Variants in HCN4 observed in about 807,000 individuals in gnomAD.
HCN4 encodes the protein potassium/sodium hyperpolarization-activated cyclic nucleotide-gated channel 4.
In HCN4, 29 loss-of-function variants were observed where a neutral mutation model predicts 76.9. That is an observed-to-expected ratio of 0.38 (90% CI 0.28 to 0.51). The LOEUF (loss-of-function observed/expected upper bound fraction) is 0.51. HCN4 is among the 20% of genes least tolerant of loss of function. The probability of loss-of-function intolerance (pLI) is 0.90; values close to 1 mark genes in which losing one functional copy is unlikely to be tolerated. For missense variants in HCN4, 1,416 were observed against 1,715.2 expected (o/e 0.83, Z 3.08); for synonymous variants, 772 against 762.5 (o/e 1.01, Z -0.21).
chr15:73,335,514 G>C, intron 2 of HCN4: 1 of 152,314 alleles, frequency 6.6e-6, no homozygotes, highest in Non-Finnish European at 1.5e-5. Flanking sequence ...GGCCAGACTT[G>C]AAATGAGAAC....
intron 1 of HCN4, among the ~76,000 whole-genome samples, chr15:73,346,595 C>T (rs1001387097): frequency 6.6e-6 from 1 of 152,144 alleles, no homozygotes; most frequent in Non-Finnish European, 1.5e-5. Flanking sequence ...CTATTTGCCT[C>T]AGTACACAGA....
At chr15:73,358,321 G>A (rs1279666499) in intron 1 of HCN4, among the ~76,000 whole-genome samples, 3 of 152,216 alleles carry the variant, frequency 2.0e-5, no homozygotes, top group African/African-American at 4.8e-5. Flanking sequence ...TTTGGGGAAA[G>A]GAACAAGTGC....
chr15:73,324,052 C>A (rs747201186), intron 7 of HCN4, 37 bp downstream of exon 7: 151 of 1,605,370 alleles, frequency 9.4e-5, no homozygotes, highest in Non-Finnish European at 1.2e-4. Flanking sequence ...TCCCCCAACA[C>A]CCCCCACCTG....
In HCN4 at chr15:73,346,287, C is replaced by T. The variant is rs150938061; in HGVS notation, c.786-2479G>A. 2.3e-3 allele frequency among the ~76,000 whole-genome samples: 349 copies of T among 152,280 alleles called. 2 individuals carry two copies. Among genetic ancestry groups the T allele is most frequent in the African/African-American group, 8.1e-3 (335 of 41,544 alleles). ...TAGCAAGTCACTTTACCATGCCACA[C>T]CTCAGTTTTGTTATCTGCTCAATGA... On this transcript the variant is annotated intron_variant, in intron 1 of 7. Transcript: ENST00000261917.
intron 1 of HCN4, among the ~76,000 whole-genome samples, chr15:73,345,534 AC>A (rs1199973401): frequency 6.6e-6 from 1 of 152,152 alleles, no homozygotes; most frequent in Non-Finnish European, 1.5e-5. Context: ...AGAATGCAGC[AC>A]ACCTGCTAAT....
intron 2 of HCN4, among the ~76,000 whole-genome samples, chr15:73,341,389 A>G (rs1459329465): frequency 2.6e-5 from 4 of 151,944 alleles, no homozygotes; most frequent in African/African-American, 7.3e-5. Context: ...CAATCCACCC[A>G]TCTCGGCCTC....
chr15:73,336,614 A>C (rs1362213169), intron 2 of HCN4, among the ~76,000 whole-genome samples: 4 of 151,942 alleles, frequency 2.6e-5, no homozygotes, highest in Non-Finnish European at 4.4e-5. Context: ...ACAAAAACCC[A>C]CCAGCCAGCC....
chr15:73,343,239 G>A lies in HCN4; in HGVS notation c.1209+146C>T, dbSNP rs970513604. ...TATCCAGCACATGATAAGAGGTCAA[G>A]AACTTACTAGTATTTGTCCTCTTGG... On this transcript the variant is annotated intron_variant, in intron 2 of 7. Coordinates refer to ENST00000261917, the MANE Select transcript of HCN4 (RefSeq NM_005477.3). This position sits in a 1 kb window ranked among gnomAD's most constrained non-coding sequence, Gnocchi z 5.7. The A allele has an allele frequency of 1.3e-6, 1 of 742,930 alleles. No homozygotes were observed. Among genetic ancestry groups the A allele is most frequent in the African/African-American group, 1.7e-5 (1 of 57,462 alleles). The allele number at this position is 742,930 out of a possible 1,614,324, so 46.0% of individuals were successfully genotyped here. A position where few individuals can be genotyped will look rare whatever the true frequency, so the allele number is the denominator to read the frequency against.
At chr15:73,324,002 G>C in intron 7 of HCN4, 53 bp from the exon 8 acceptor site, 1 of 1,611,722 alleles carries the variant, frequency 6.2e-7, no homozygotes, top group Non-Finnish European at 8.5e-7. Context: ...AAGGAGATCA[G>C]GTGCAGACCT....
chr15:73,339,953 G>A (rs1235864979), intron 2 of HCN4, among the ~76,000 whole-genome samples: 10 of 152,228 alleles, frequency 6.6e-5, no homozygotes, highest in Non-Finnish European at 1.3e-4. Flanking sequence ...CAGCTGGTAG[G>A]AGAGATAAAG....
At position 73,367,617 on chromosome 15, in the gene HCN4, G is replaced by A. The variant is rs764818507; in HGVS notation, c.654C>T (p.Phe218=). Residue 218 remains phenylalanine (F), a synonymous_variant, in exon 1 of 8, where the codon TTC becomes TTT. Transcript: ENST00000261917. The surrounding 1 kb of genome is among the most constrained non-coding windows in gnomAD (Gnocchi z 7.5). The part of the protein sequence containing the change: ...LGQAGFMQRQ[F]GAMLQPGVNK... ...TGACCCCGGGTTGGAGCATGGCCCC[G>A]AACTGGCGCTGCATGAAGCCGGCCT... 1.1e-5 allele frequency: 17 copies of A among 1,613,172 alleles called. No homozygotes were observed. The highest frequency in any genetic ancestry group is 1.4e-5 in the Non-Finnish European group (16 of 1,179,996).
chr15:73,351,184 C>T (rs142062278), intron 1 of HCN4, among the ~76,000 whole-genome samples: 11 of 152,182 alleles, frequency 7.2e-5, no homozygotes, highest in Non-Finnish European at 4.4e-5. Flanking sequence ...TTCTCACTGC[C>T]TCTCCTTTCC....
rs1338572189 is a variant in HCN4, at chr15:73,368,156, C to A, written c.115G>T (p.Gly39Cys). 6.6e-7 allele frequency: 1 copy of A among 1,525,618 alleles called. No homozygotes were observed. Among genetic ancestry groups the A allele is most frequent in the Non-Finnish European group, 8.8e-7 (1 of 1,137,858 alleles). 94.5% of individuals were successfully genotyped at this position (1,525,618 alleles called of 1,614,324 possible). Residue 39 changes from glycine to cysteine, a missense_variant, in exon 1 of 8, where the codon GGC becomes TGC. Gly to Cys is a radical substitution (Grantham distance 159). This residue lies in a region of HCN4 where 355 missense variants were observed against 347.8 expected (regional missense o/e 1.02). Coordinates refer to ENST00000261917, the MANE Select transcript of HCN4 (RefSeq NM_005477.3). This position sits in a 1 kb window ranked among gnomAD's most constrained non-coding sequence, Gnocchi z 6.9. ...CTCCTGCGGCTGGGGTCTTGGCGGC[C>A]CCCGGCCCCCTCCTCCTCGGCGTCC... ...EEDAEEEGAG[G>C]RQDPSRRSIR...
chr15:73,355,897 G>C (rs1381943881), intron 1 of HCN4, among the ~76,000 whole-genome samples: 1 of 152,148 alleles, frequency 6.6e-6, no homozygotes, highest in Non-Finnish European at 1.5e-5. Context: ...AAGACCACTG[G>C]GGAAGATGGG....
At chr15:73,324,525 T>C (rs961250396) in intron 6 of HCN4, among the ~76,000 whole-genome samples, 4 of 152,186 alleles carry the variant, frequency 2.6e-5, no homozygotes, top group African/African-American at 7.2e-5. Flanking sequence ...ATGATGGTAT[T>C]TGGAGGTGGG....
chr15:73,332,439 G>A, intron 2 of HCN4, 147 bp from the exon 3 acceptor site: 1 of 779,188 alleles, frequency 1.3e-6, no homozygotes, highest in South Asian at 1.5e-5. Flanking sequence ...GGCTGGGGGT[G>A]GGATGGGAAG....
In HCN4 at chr15:73,320,973, TTTGC is replaced by T. The variant is rs2042853854; in HGVS notation, c.*1504_*1507del. ...CAAAGCTCCCTGGGCTCTCACATAG[TTTGC>T]TGGAGCAATAGGCTGGGCATATGAG... On this transcript the variant is annotated 3_prime_UTR_variant, in exon 8 of 8. Coordinates refer to ENST00000261917, the MANE Select transcript of HCN4 (RefSeq NM_005477.3). 6.6e-6 allele frequency: 1 copy of T among 152,186 alleles called. No individual in the cohort carries two copies. Among genetic ancestry groups the T allele is most frequent in the African/African-American group, 2.4e-5 (1 of 41,414 alleles). The allele number at this position is 152,186 out of a possible 1,614,324, so 9.4% of individuals were successfully genotyped here.
At chr15:73,326,797 T>TTTATTTA (rs1567772760) in intron 4 of HCN4, among the ~76,000 whole-genome samples, 6 of 149,260 alleles carry the variant, frequency 4.0e-5, no homozygotes, top group African/African-American at 1.3e-4. Flanking sequence ...TTATTTATTT[T>TTTATTTA]TTTTGTTAAG....
At chr15:73,341,924 G>A (rs574875473) in intron 2 of HCN4, among the ~76,000 whole-genome samples, 3 of 152,374 alleles carry the variant, frequency 2.0e-5, no homozygotes, top group East Asian at 3.9e-4. Flanking sequence ...AGCATGGGGG[G>A]CTTCATGTCC....
Sources: allele counts gnomAD v4.1 joint callset (sites outside exome capture counted in the v4.1 genomes callset), GRCh38; gene constraint gnomAD v4.1.1; regional missense constraint gnomAD v4.1.1; non-coding constraint Gnocchi (gnomAD v3.1); transcripts MANE v1.5; gene names NCBI Gene and HGNC (gene_info 2026-07-23, HGNC 2026-07-21).